SHISA5: variants seen among roughly 807,000 people sequenced by gnomAD.
SHISA5 encodes the protein shisa family member 5, also known as protein shisa-5.
SHISA5 carries 21 observed loss-of-function variants against 27.5 expected under a neutral mutation model. The ratio of observed to expected loss-of-function variants is 0.76; its 90% CI spans 0.54 to 1.10. The LOEUF (loss-of-function observed/expected upper bound fraction) is 1.10, where lower values mean the gene tolerates loss of function less well. SHISA5 is among the 50% of genes least tolerant of loss of function. The probability of loss-of-function intolerance (pLI) is 0.00; values close to 1 mark genes in which losing one functional copy is unlikely to be tolerated. For missense variants in SHISA5, 314 were observed against 336.3 expected, an observed-to-expected ratio of 0.93 and a Z score of 0.52; for synonymous variants, 137 against 142.2, an observed-to-expected ratio of 0.96 and a Z score of 0.26.
At chr3:48,474,993 T>C (rs1297116633) in intron 3 of SHISA5, among the ~76,000 whole-genome samples, 1 of 152,128 alleles carries the variant, frequency 6.6e-6, no homozygotes, top group Non-Finnish European at 1.5e-5. Context: ...CACACTCTGT[T>C]GTGTGTGAGC....
intron 2 of SHISA5, chr3:48,479,556 T>A: frequency 2.6e-6 from 1 of 391,138 alleles, no homozygotes; most frequent in South Asian, 8.3e-5. Context: ...CAGGATGAAG[T>A]TACAAATCAG....
At chr3:48,495,018 G>A (rs2041507533) in intron 2 of SHISA5, among the ~76,000 whole-genome samples, 1 of 146,044 alleles carries the variant, frequency 6.8e-6, no homozygotes, top group Non-Finnish European at 1.5e-5. Context: ...TGTTGCCCAG[G>A]CTAGCCTCCA....
chr3:48,498,766 C>T (rs1262968192), intron 2 of SHISA5, among the ~76,000 whole-genome samples: 8 of 148,896 alleles, frequency 5.4e-5, no homozygotes, highest in Admixed American at 4.0e-4. Flanking sequence ...AAAAACAAAT[C>T]GAAACAATAC....
In SHISA5 at chr3:48,473,625, C is replaced by G; in HGVS notation, c.315-3782G>C. 8.3e-7 allele frequency: 1 copy of G among 1,197,774 alleles called. No homozygotes were observed. The allele number at this position is 1,197,774 out of a possible 1,614,324, so 74.2% of individuals were successfully genotyped here. On this transcript the variant is annotated intron_variant, in intron 3 of 5. Coordinates refer to ENST00000296444, the MANE Select transcript of SHISA5 (RefSeq NM_016479.6). This position sits in a 1 kb window ranked among gnomAD's most constrained non-coding sequence, Gnocchi z 4.3. ...CGGCCACCCTACTGGGGCCACCATG[C>G]AAGGTCCATCATGTCACCACCTGCT...
At chr3:48,478,876 T>G (rs934637621) in intron 3 of SHISA5, among the ~76,000 whole-genome samples, 1 of 151,800 alleles carries the variant, frequency 6.6e-6, no homozygotes, top group Non-Finnish European at 1.5e-5. Flanking sequence ...CCTGCCCCCA[T>G]CGGGACCCAT....
At position 48,469,459 on chromosome 3, in the gene SHISA5, G is replaced by A; in HGVS notation, c.545C>T (p.Pro182Leu). ...GGGTGCTGCTGGCATCCCTGGCTGAGGCGGCATGGTGTGGTAGCCCTGGTA... is the reference window on the plus strand; with the variant it reads ...GGGTGCTGCTGGCATCCCTGGCTGAAGCGGCATGGTGTGGTAGCCCTGGTA... Reference protein sequence around the residue: ...PSYQGYHTMPPQPGMPAAPYP... With the variant: ...PSYQGYHTMPLQPGMPAAPYP... The change falls in exon 5 of 6, where the codon CCT becomes CTT. Residue 182 changes from proline (P) to leucine (L), a missense_variant. Coordinates refer to ENST00000296444, the MANE Select transcript of SHISA5 (RefSeq NM_016479.6). The surrounding 1 kb of genome is among the most constrained non-coding windows in gnomAD (Gnocchi z 4.6). 1 of 1,613,960 alleles carries A rather than the reference G, an allele frequency of 6.2e-7. No homozygotes were observed. The highest frequency in any genetic ancestry group is 2.2e-5 in the East Asian group (1 of 44,886).
intron 2 of SHISA5, among the ~76,000 whole-genome samples, chr3:48,493,779 C>G (rs964508881): frequency 6.8e-6 from 1 of 146,416 alleles, no homozygotes; most frequent in Admixed American, 6.7e-5. Flanking sequence ...GTGATCCACC[C>G]GCCTCAGCCT....
At chr3:48,503,280 C>A (rs2041807768) in intron 1 of SHISA5, 1 of 805,940 alleles carries the variant, frequency 1.2e-6, no homozygotes, top group Non-Finnish European at 1.8e-6. Flanking sequence ...CAGTGACCGA[C>A]CCTCCTACAG....
In SHISA5 at chr3:48,469,436, G is replaced by T; in HGVS notation, c.568C>A (p.Pro190Thr). 1.2e-6 allele frequency: 2 copies of T among 1,613,460 alleles called. No individual in the cohort carries two copies. Among genetic ancestry groups the T allele is most frequent in the Non-Finnish European group, 1.7e-6 (2 of 1,179,690 alleles). Residue 190 changes from proline to threonine, a missense_variant, in exon 5 of 6, where the codon CCC (proline) becomes ACC (threonine). By Grantham distance (38) the Pro-to-Thr change is conservative. Coordinates refer to ENST00000296444, the MANE Select transcript of SHISA5 (RefSeq NM_016479.6). This position sits in a 1 kb window ranked among gnomAD's most constrained non-coding sequence, Gnocchi z 4.6. Reference sequence around the variant, plus strand: ...GGTGGTGGGTACTGCATTGGGTAGGGTGCTGCTGGCATCCCTGGCTGAGGC... The same window carrying T: ...GGTGGTGGGTACTGCATTGGGTAGGTTGCTGCTGGCATCCCTGGCTGAGGC... ...MPPQPGMPAA[P>T]YPMQYPPPYP...
intron 2 of SHISA5, among the ~76,000 whole-genome samples, chr3:48,481,840 G>A (rs900287502): frequency 2.0e-5 from 3 of 151,748 alleles, no homozygotes; most frequent in Non-Finnish European, 4.4e-5. Context: ...GGCCGAGGCG[G>A]GTGGATCACA....
rs1264408738 is a variant in SHISA5, at chr3:48,496,895, C to T, written c.233+4242G>A. 2.0e-5 allele frequency among the ~76,000 whole-genome samples: 3 copies of T among 151,516 alleles called. No individual in the cohort carries two copies. The East Asian group carries it at 5.8e-4, about 29-fold the overall frequency. On this transcript the variant is annotated intron_variant, in intron 2 of 5. Transcript: ENST00000296444. ...AAACTAAATACAAGAGCAGAAATAC[C>T]ATGTTAATGCATTGGAAAACTCAAT...
At position 48,473,375 on chromosome 3, in the gene SHISA5, T is replaced by C. The variant is rs2040712719; in HGVS notation, c.315-3532A>G. On this transcript the variant is annotated intron_variant, in intron 3 of 5. Coordinates refer to ENST00000296444, the MANE Select transcript of SHISA5 (RefSeq NM_016479.6). The surrounding 1 kb of genome is among the most constrained non-coding windows in gnomAD (Gnocchi z 4.3). Reference sequence around the variant, plus strand: ...GGTCTAAGAGCCACCCCAGCCTCAGTGGGCCCCAACCACACTCTAGCTCAG... The same window carrying C: ...GGTCTAAGAGCCACCCCAGCCTCAGCGGGCCCCAACCACACTCTAGCTCAG... 69 of 1,339,100 alleles carry C rather than the reference T, an allele frequency of 5.2e-5. 1 individual carries two copies. The South Asian group carries it at 8.1e-4, about 16-fold the overall frequency. The allele number at this position is 1,339,100 out of a possible 1,614,324, so 83.0% of individuals were successfully genotyped here. A position where few individuals can be genotyped will look rare whatever the true frequency, so the allele number is the denominator to read the frequency against.
At position 48,493,365 on chromosome 3, in the gene SHISA5, GGCTGCAGTGAGCTGAGACTGTGCC is replaced by G. The variant is rs1308348722; in HGVS notation, c.233+7748_233+7771del. Among the ~76,000 whole-genome samples the G allele has an allele frequency of 6.8e-5, 10 of 146,758 alleles. 1 individual carries two copies. The highest frequency in any genetic ancestry group is 8.9e-5 in the Non-Finnish European group (6 of 67,740). ...GGATGGCTTGAGCCCAGGAGGTAGA[GGCTGCAGTGAGCTGAGACTGTGCC>G]GCTGCAGTGAGCTGAGACTGTGCCA... On this transcript the variant is annotated intron_variant, in intron 2 of 5. Coordinates refer to ENST00000296444, the MANE Select transcript of SHISA5 (RefSeq NM_016479.6).
intron 2 of SHISA5, among the ~76,000 whole-genome samples, chr3:48,486,344 G>GTATTATATATTATATAATATATAATAT: frequency 0.028 from 122 of 4,366 alleles, 9 homozygotes; most frequent in African/African-American, 0.09. Flanking sequence ...AATATATAAT[G>GTATTATATATTATATAATATATAATAT]ATAATGTATT....
chr3:48,503,989 C>T, intron 1 of SHISA5, 30 bp downstream of exon 1: 1 of 1,457,116 alleles, frequency 6.9e-7, no homozygotes, highest in Non-Finnish European at 9.1e-7. Flanking sequence ...GGTCCCAGGG[C>T]AGGACGGGCC....
intron 2 of SHISA5, among the ~76,000 whole-genome samples, chr3:48,486,548 A>G (rs2041252353): frequency 8.2e-6 from 1 of 121,922 alleles, no homozygotes; most frequent in Non-Finnish European, 1.6e-5. Flanking sequence ...AATATATATT[A>G]TATATTATAT....
Position 48,469,619 on chromosome 3 carries a change from C to G in SHISA5, c.431-46G>C. 6.3e-7 allele frequency: 1 copy of G among 1,593,862 alleles called. No individual in the cohort carries two copies. The highest frequency in any genetic ancestry group is 1.1e-5 in the South Asian group (1 of 87,832). ...AGGACCCTCCTCCATCTCCCCAGGT[C>G]TTGAGAGCCAGGCTTGCCACCCATC... On this transcript the variant is annotated intron_variant, in intron 4 of 5. Coordinates refer to ENST00000296444, the MANE Select transcript of SHISA5 (RefSeq NM_016479.6). This position sits in a 1 kb window ranked among gnomAD's most constrained non-coding sequence, Gnocchi z 4.6.
At position 48,469,137 on chromosome 3, in the gene SHISA5, G is replaced by C. The variant is rs936703289; in HGVS notation, c.693C>G (p.Ala231=). ...YPASQPPYNP[A]YMDAPKAAL ...GGGCCGCCTTCGGGGCATCCATGTA[G>C]GCCGGGTTGTAAGGAGGCTGGCTGG... Residue 231 remains alanine, a synonymous_variant, in exon 6 of 6, where the codon GCC becomes GCG. Coordinates refer to ENST00000296444, the MANE Select transcript of SHISA5 (RefSeq NM_016479.6). This position sits in a 1 kb window ranked among gnomAD's most constrained non-coding sequence, Gnocchi z 4.6. 6.2e-7 allele frequency: 1 copy of C among 1,613,018 alleles called. No homozygotes were observed. Among genetic ancestry groups the C allele is most frequent in the African/African-American group, 1.3e-5 (1 of 74,928 alleles).
At chr3:48,491,083 C>T (rs1382793750) in intron 2 of SHISA5, among the ~76,000 whole-genome samples, 4 of 150,052 alleles carry the variant, frequency 2.7e-5, no homozygotes, top group Admixed American at 6.7e-5. Context: ...ACCCCCCGCC[C>T]TTTGAGTCGT....
Sources: allele counts gnomAD v4.1 joint callset (sites outside exome capture counted in the v4.1 genomes callset), GRCh38; gene constraint gnomAD v4.1.1; non-coding constraint Gnocchi (gnomAD v3.1); transcripts MANE v1.5; gene names NCBI Gene and HGNC (gene_info 2026-07-23, HGNC 2026-07-21).